The following PDE11A variants were observed in gnomAD, a reference collection of about 807,000 sequenced individuals.
PDE11A encodes dual 3',5'-cyclic-AMP and -GMP phosphodiesterase 11A.
Under a neutral mutation model 100.5 loss-of-function variants are expected in PDE11A, and 100 were observed. The ratio of observed to expected loss-of-function variants is 1.00; its 90% CI spans 0.85 to 1.18. The LOEUF (loss-of-function observed/expected upper bound fraction) is 1.18, where lower values mean the gene tolerates loss of function less well. PDE11A is among the 50% of genes most tolerant of loss of function. The probability of loss-of-function intolerance (pLI) is 0.00; values close to 1 mark genes in which losing one functional copy is unlikely to be tolerated. For missense variants in PDE11A, 1,141 were observed against 1,152.6 expected, an observed-to-expected ratio of 0.99 and a Z score of 0.15; for synonymous variants, 381 against 420.8, an observed-to-expected ratio of 0.91 and a Z score of 1.16.
chr2:177,977,777 T>C (rs1421843142), intron 2 of PDE11A, among the ~76,000 whole-genome samples: 3 of 146,390 alleles, frequency 2.0e-5, no homozygotes, highest in Non-Finnish European at 4.6e-5. Context: ...GCCGCATATC[T>C]ACAACTATCT....
chr2:177,907,757 T>C (rs2084813302), intron 2 of PDE11A, among the ~76,000 whole-genome samples: 1 of 152,212 alleles, frequency 6.6e-6, no homozygotes, highest in African/African-American at 2.4e-5. Context: ...TATCTCCCTC[T>C]AGACAGAGGT....
intron 9 of PDE11A, among the ~76,000 whole-genome samples, chr2:177,807,918 T>C (rs540704165): frequency 2.0e-5 from 3 of 152,348 alleles, no homozygotes; most frequent in East Asian, 3.9e-4. Context: ...TATGTGTCAA[T>C]AGCCCTTTTA....
At chr2:177,792,516 C>T (rs1297266949) in intron 9 of PDE11A, among the ~76,000 whole-genome samples, 1 of 152,088 alleles carries the variant, frequency 6.6e-6, no homozygotes, top group Non-Finnish European at 1.5e-5. Flanking sequence ...AGATACATTG[C>T]TTATTTGCAC....
chr2:178,031,205 A>G (rs1030890017), intron 1 of PDE11A, among the ~76,000 whole-genome samples: 12 of 152,180 alleles, frequency 7.9e-5, no homozygotes, highest in Non-Finnish European at 1.2e-4. Context: ...AATAAAGGGG[A>G]TCTCAAAAAA....
chr2:177,986,766 G>A (rs573167374), intron 2 of PDE11A, among the ~76,000 whole-genome samples: 7 of 151,828 alleles, frequency 4.6e-5, no homozygotes, highest in African/African-American at 1.7e-4. Context: ...GGGAGGCAGA[G>A]GTTGTAGTGA....
At chr2:177,733,739 G>C (rs1333682759) in intron 10 of PDE11A, among the ~76,000 whole-genome samples, 1 of 152,214 alleles carries the variant, frequency 6.6e-6, no homozygotes, top group Admixed American at 6.5e-5. Flanking sequence ...CTGTGGTGAT[G>C]TGGAAGGGAC....
intron 9 of PDE11A, among the ~76,000 whole-genome samples, chr2:177,771,504 T>C (rs2082309668): frequency 6.6e-6 from 1 of 152,086 alleles, no homozygotes; most frequent in East Asian, 1.9e-4. Flanking sequence ...GGGCAAGTGG[T>C]TTAATCTCTT....
chr2:177,841,234 T>A lies in PDE11A; in HGVS notation c.1368-851A>T, dbSNP rs77662995. On this transcript the variant is annotated intron_variant, in intron 5 of 19. Coordinates refer to ENST00000286063, the MANE Select transcript of PDE11A (RefSeq NM_016953.4). ...TCTTCCACAAGTATATATTGAGCAC[T>A]GCCAGGAGCCGTGGAGATACAAAAT... is the stretch of plus-strand genomic sequence containing the variant. Among the ~76,000 whole-genome samples the A allele has an allele frequency of 6.3e-3, 964 of 152,306 alleles. 5 individuals carry two copies. The highest frequency in any genetic ancestry group is 0.011 in the Admixed American group (162 of 15,304).
At chr2:177,836,702 G>A (rs557423589) in intron 6 of PDE11A, among the ~76,000 whole-genome samples, 41 of 152,288 alleles carry the variant, frequency 2.7e-4, no homozygotes, top group African/African-American at 8.4e-4. Context: ...CACTCACAGC[G>A]AAGGTCTGCA....
intron 4 of PDE11A, among the ~76,000 whole-genome samples, chr2:177,892,805 A>G (rs963701518): frequency 1.3e-5 from 2 of 152,182 alleles, no homozygotes; most frequent in Non-Finnish European, 2.9e-5. Context: ...ACTAGGTCAC[A>G]ACCCTGTCCC....
chr2:178,093,891 A>G (rs907038720), intron 2 of PDE11A, among the ~76,000 whole-genome samples: 6 of 152,206 alleles, frequency 3.9e-5, no homozygotes, highest in African/African-American at 1.4e-4. Context: ...AGAAACTGCA[A>G]AGGTAACATA....
intron 3 of PDE11A, among the ~76,000 whole-genome samples, chr2:177,899,168 G>A (rs904876070): frequency 6.6e-6 from 1 of 152,140 alleles, no homozygotes; most frequent in Non-Finnish European, 1.5e-5. Context: ...AGCACTTTGG[G>A]AGGCCAAGGA....
chr2:177,640,163 T>C (rs921514961), intron 19 of PDE11A, among the ~76,000 whole-genome samples: 1 of 152,146 alleles, frequency 6.6e-6, no homozygotes, highest in Non-Finnish European at 1.5e-5. Flanking sequence ...CAATATACCA[T>C]AGAGGAGAAA....
At chr2:177,820,579 A>G (rs1477813166) in intron 6 of PDE11A, among the ~76,000 whole-genome samples, 1 of 151,930 alleles carries the variant, frequency 6.6e-6, no homozygotes, top group Non-Finnish European at 1.5e-5. Flanking sequence ...ACATAAAACT[A>G]TCTTGATCAT....
intron 1 of PDE11A, chr2:178,105,722 G>A: frequency 1.8e-6 from 2 of 1,092,354 alleles, no homozygotes; most frequent in Admixed American, 3.1e-5. Context: ...GGTCTCACCT[G>A]CAGCCTGGCA....
intron 19 of PDE11A, among the ~76,000 whole-genome samples, chr2:177,634,126 C>A (rs1238158385): frequency 1.3e-5 from 2 of 152,152 alleles, no homozygotes; most frequent in Non-Finnish European, 2.9e-5. Context: ...ATTCCTTAAG[C>A]CATTTAAGTT....
chr2:177,939,577 A>T (rs942860116), intron 2 of PDE11A, among the ~76,000 whole-genome samples: 1 of 147,950 alleles, frequency 6.8e-6, no homozygotes, highest in Non-Finnish European at 1.5e-5. Flanking sequence ...GGAAGGAAGG[A>T]AGGTAGGTTG....
At chr2:177,925,522 G>A (rs2085114498) in intron 2 of PDE11A, among the ~76,000 whole-genome samples, 3 of 152,248 alleles carry the variant, frequency 2.0e-5, no homozygotes, top group South Asian at 2.1e-4. Flanking sequence ...CTGCATAAAT[G>A]TCTTCTTTTG....
At chr2:177,991,358 G>A (rs975868591) in intron 2 of PDE11A, among the ~76,000 whole-genome samples, 11 of 148,408 alleles carry the variant, frequency 7.4e-5, no homozygotes, top group Non-Finnish European at 1.2e-4. Flanking sequence ...ATATTGGGCC[G>A]GGCATGGTGG....
Sources: allele counts gnomAD v4.1 joint callset (sites outside exome capture counted in the v4.1 genomes callset), GRCh38; gene constraint gnomAD v4.1.1; transcripts MANE v1.5; gene names NCBI Gene and HGNC (gene_info 2026-07-23, HGNC 2026-07-21).